CDC14A: variants seen among roughly 807,000 people sequenced by gnomAD.
CDC14A encodes the protein dual specificity protein phosphatase CDC14A.
Under a neutral mutation model 74.4 loss-of-function variants are expected in CDC14A, and 53 were observed. The ratio of observed to expected loss-of-function variants is 0.71; its 90% CI spans 0.57 to 0.89. The LOEUF (loss-of-function observed/expected upper bound fraction) is 0.89, where lower values mean the gene tolerates loss of function less well. CDC14A is among the 40% of genes least tolerant of loss of function. The probability of loss-of-function intolerance (pLI) is 0.00; values close to 1 mark genes in which losing one functional copy is unlikely to be tolerated. For missense variants in CDC14A, 646 were observed against 713.7 expected (o/e 0.91, Z 1.08); for synonymous variants, 247 against 258.4 (o/e 0.96, Z 0.43).
intron 8 of CDC14A, among the ~76,000 whole-genome samples, chr1:100,461,585 T>G (rs529694067): frequency 4.1e-4 from 62 of 152,352 alleles, no homozygotes; most frequent in African/African-American, 1.5e-3. Context: ...CCCCTGAACT[T>G]TTGGAGCTGC....
chr1:100,380,278 A>G (rs2100956683), intron 3 of CDC14A, among the ~76,000 whole-genome samples: 1 of 152,302 alleles, frequency 6.6e-6, no homozygotes, highest in South Asian at 2.1e-4. Context: ...AAGGTGTGTG[A>G]CTTGCCCAGT....
chr1:100,518,985 A>G lies in CDC14A; in HGVS notation c.*705A>G, dbSNP rs1438132959. 1 of 152,110 alleles carries G rather than the reference A, an allele frequency of 6.6e-6. No individual in the cohort carries two copies. The highest frequency in any genetic ancestry group is 1.5e-5 in the Non-Finnish European group (1 of 67,992). The allele number at this position is 152,110 out of a possible 1,614,324, so 9.4% of individuals were successfully genotyped here. The stretch of plus-strand genomic sequence containing the variant: ...TCCTATTGTTTTTGTTGCTGAGCCA[A>G]TTTGAGTTAGTTTTGCATCCTGGGG... On this transcript the variant is annotated 3_prime_UTR_variant, in exon 16 of 16. Coordinates refer to ENST00000336454, the MANE Select transcript of CDC14A (RefSeq NM_003672.4).
chr1:100,402,062 T>C (rs1659335347), intron 4 of CDC14A, among the ~76,000 whole-genome samples: 1 of 151,690 alleles, frequency 6.6e-6, no homozygotes, highest in Non-Finnish European at 1.5e-5. Flanking sequence ...GTAATTCATA[T>C]GCTTGAAAGA....
chr1:100,498,295 G>A (rs1648172055), intron 14 of CDC14A, 88 bp downstream of exon 14: 1 of 1,457,668 alleles, frequency 6.9e-7, no homozygotes, highest in Non-Finnish European at 9.4e-7. Context: ...TTTTGTCAGA[G>A]GAGGGGACAA....
At chr1:100,443,212 C>A (rs988082508) in intron 7 of CDC14A, 26 of 436,716 alleles carry the variant, frequency 6.0e-5, no homozygotes. Context: ...TATATATATT[C>A]TCTCATTTAT....
intron 4 of CDC14A, among the ~76,000 whole-genome samples, chr1:100,401,380 G>T (rs1659239991): frequency 6.6e-6 from 1 of 152,142 alleles, no homozygotes; most frequent in African/African-American, 2.4e-5. Flanking sequence ...GACTTCCACA[G>T]TTTTGTGGAA....
intron 10 of CDC14A, among the ~76,000 whole-genome samples, chr1:100,469,687 G>T (rs957419060): frequency 3.3e-5 from 5 of 152,132 alleles, no homozygotes; most frequent in African/African-American, 1.2e-4. Flanking sequence ...AATAGGTATT[G>T]CTATACCTAT....
At chr1:100,359,418 A>G (rs1652372327) in intron 2 of CDC14A, among the ~76,000 whole-genome samples, 1 of 152,100 alleles carries the variant, frequency 6.6e-6, no homozygotes, top group South Asian at 2.1e-4. Context: ...TTGGCCTGAG[A>G]CTGATGCCAA....
chr1:100,453,823 G>T (rs1005848719), intron 7 of CDC14A, among the ~76,000 whole-genome samples: 1 of 152,140 alleles, frequency 6.6e-6, no homozygotes, highest in Non-Finnish European at 1.5e-5. Flanking sequence ...TGTATTTTTA[G>T]TAGAGACGGG....
intron 11 of CDC14A, among the ~76,000 whole-genome samples, chr1:100,493,370 C>T (rs1032535024): frequency 2.0e-5 from 3 of 152,194 alleles, no homozygotes; most frequent in African/African-American, 4.8e-5. Context: ...CATCCCAGCA[C>T]GTTGAGTGCT....
intron 2 of CDC14A, among the ~76,000 whole-genome samples, chr1:100,364,414 ATG>A (rs1221522049): frequency 6.6e-6 from 1 of 151,772 alleles, no homozygotes; most frequent in East Asian, 1.9e-4. Context: ...GGGTTTCACC[ATG>A]TTGGCCAGGA....
chr1:100,421,877 G>A (rs939140517), intron 4 of CDC14A, among the ~76,000 whole-genome samples: 1 of 152,152 alleles, frequency 6.6e-6, no homozygotes, highest in Admixed American at 6.5e-5. Context: ...AAGCAGACAT[G>A]TCTAAGAAGA....
intron 6 of CDC14A, among the ~76,000 whole-genome samples, chr1:100,441,754 C>T (rs1271261732): frequency 1.3e-5 from 2 of 151,252 alleles, no homozygotes; most frequent in Non-Finnish European, 2.9e-5. Context: ...TTCTAAGAAT[C>T]ACCTGGGAAG....
At chr1:100,448,940 C>T (rs1055822566) in intron 7 of CDC14A, among the ~76,000 whole-genome samples, 1 of 152,192 alleles carries the variant, frequency 6.6e-6, no homozygotes, top group Admixed American at 6.5e-5. Context: ...TCTTGTGCCT[C>T]ATTCTGCAGA....
At position 100,518,810 on chromosome 1, in the gene CDC14A, T is replaced by G. The variant is rs1650441062; in HGVS notation, c.*530T>G. 6.5e-6 allele frequency: 1 copy of G among 152,694 alleles called. No homozygotes were observed. The highest frequency in any genetic ancestry group is 2.1e-4 in the South Asian group (1 of 4,818). 9.5% of individuals were successfully genotyped at this position (152,694 alleles called of 1,614,324 possible). Reference sequence around the variant, plus strand: ...TATTAAGAAGAAGTAAGGGAGAAAGTTTTTAGAAAGTGATTTTTATGCTCG... The same window carrying G: ...TATTAAGAAGAAGTAAGGGAGAAAGGTTTTAGAAAGTGATTTTTATGCTCG... On this transcript the variant is annotated 3_prime_UTR_variant, in exon 16 of 16. Transcript: ENST00000336454.
chr1:100,517,273 C>A (rs561060516), intron 15 of CDC14A, among the ~76,000 whole-genome samples: 4 of 152,288 alleles, frequency 2.6e-5, no homozygotes, highest in African/African-American at 9.6e-5. Flanking sequence ...TATATCATCA[C>A]CAAAATGGAC....
chr1:100,395,470 C>T (rs145568022), intron 4 of CDC14A, among the ~76,000 whole-genome samples: 6 of 152,266 alleles, frequency 3.9e-5, no homozygotes, highest in Non-Finnish European at 7.4e-5. Context: ...TCTACTTATT[C>T]GTAAGTTTGG....
At chr1:100,509,829 C>A (rs1247254907) in intron 15 of CDC14A, among the ~76,000 whole-genome samples, 1 of 152,220 alleles carries the variant, frequency 6.6e-6, no homozygotes, top group Non-Finnish European at 1.5e-5. Flanking sequence ...CTCTCTTGGG[C>A]AGACTGTTGT....
At chr1:100,401,366 GGTTGACTTCCACAGTTTT>G (rs1659238161) in intron 4 of CDC14A, among the ~76,000 whole-genome samples, 1 of 152,092 alleles carries the variant, frequency 6.6e-6, no homozygotes, top group Non-Finnish European at 1.5e-5. Context: ...AATAAGTCTT[GGTTGACTTCCACAGTTTT>G]GTGGAAGTTT....
Sources: gnomAD v4.1 joint callset for allele counts (sites outside exome capture counted in the v4.1 genomes callset) on GRCh38, gnomAD v4.1.1 for gene constraint, MANE v1.5 for transcripts, NCBI Gene and HGNC (gene_info 2026-07-23, HGNC 2026-07-21) for gene names.